C9: variants seen among roughly 807,000 people sequenced by gnomAD.
The protein encoded by C9 is complement component C9.
Under a neutral mutation model 65.4 loss-of-function variants are expected in C9, and 63 were observed. The observed-to-expected ratio is 0.96, with a 90% CI of 0.79 to 1.19. The LOEUF (loss-of-function observed/expected upper bound fraction) is 1.19, where lower values mean the gene tolerates loss of function less well. C9 is among the 50% of genes most tolerant of loss of function. The probability of loss-of-function intolerance (pLI) is 0.00; values close to 1 mark genes in which losing one functional copy is unlikely to be tolerated. For missense variants in C9, 744 were observed against 670.1 expected (o/e 1.11, Z -1.22); for synonymous variants, 229 against 227.9 (o/e 1.00, Z -0.04).
chr5:39,308,361 G>C lies in C9; in HGVS notation c.1112-3C>G. 1 of 1,577,926 alleles carries C rather than the reference G, an allele frequency of 6.3e-7. No individual in the cohort carries two copies. Among genetic ancestry groups the C allele is most frequent in the Non-Finnish European group, 8.7e-7 (1 of 1,147,234 alleles). On this transcript the variant is annotated splice_region_variant and splice_polypyrimidine_tract_variant and intron_variant, in intron 7 of 10. Transcript: ENST00000263408. ...CTTTATGTCTTTTAGTTCAACACCT[G>C]TTTAATGAATTTATTTGAAAATTAT...
chr5:39,324,284 G>T (rs534395749), intron 5 of C9, among the ~76,000 whole-genome samples: 1 of 152,188 alleles, frequency 6.6e-6, no homozygotes, highest in East Asian at 1.9e-4. Context: ...ATAATTTTAT[G>T]TCATTTTCCA....
intron 9 of C9, among the ~76,000 whole-genome samples, chr5:39,305,775 A>C (rs1172137846): frequency 6.6e-6 from 1 of 152,100 alleles, no homozygotes; most frequent in East Asian, 1.9e-4. Context: ...AACTATTATA[A>C]TCAAGATAGA....
At chr5:39,360,096 G>T (rs1561358246) in intron 1 of C9, among the ~76,000 whole-genome samples, 1 of 152,070 alleles carries the variant, frequency 6.6e-6, no homozygotes, top group Non-Finnish European at 1.5e-5. Flanking sequence ...TTCTATTAAT[G>T]AATGTTTGGA....
At chr5:39,336,506 A>G (rs1037778646) in intron 4 of C9, among the ~76,000 whole-genome samples, 2 of 152,162 alleles carry the variant, frequency 1.3e-5, no homozygotes, top group Non-Finnish European at 2.9e-5. Context: ...AGTGCCATAT[A>G]TAGGTATCTT....
Position 39,311,385 on chromosome 5 carries a change from G to A in C9, c.871-8C>T. 1 of 1,610,328 alleles carries A rather than the reference G, an allele frequency of 6.2e-7. No individual in the cohort carries two copies. The highest frequency in any genetic ancestry group is 8.5e-7 in the Non-Finnish European group (1 of 1,178,426). On this transcript the variant is annotated splice_region_variant and splice_polypyrimidine_tract_variant and intron_variant, in intron 6 of 10. Transcript: ENST00000263408. Reference sequence around the variant, plus strand: ...ATGCAGAAACATTTTTTCCTGTGTTGTAGAGCAGATGAAGAAGAGAAACAT... The same window carrying A: ...ATGCAGAAACATTTTTTCCTGTGTTATAGAGCAGATGAAGAAGAGAAACAT...
intron 9 of C9, among the ~76,000 whole-genome samples, chr5:39,301,158 A>G (rs941523510): frequency 1.3e-5 from 2 of 152,186 alleles, no homozygotes; most frequent in Non-Finnish European, 2.9e-5. Context: ...AACCCATAAT[A>G]TGATGCACTG....
intron 9 of C9, among the ~76,000 whole-genome samples, chr5:39,303,384 G>A (rs1481785294): frequency 6.6e-6 from 1 of 151,966 alleles, no homozygotes; most frequent in African/African-American, 2.4e-5. Flanking sequence ...CTCAAGAAGT[G>A]GTTTTGGGTT....
intron 1 of C9, among the ~76,000 whole-genome samples, chr5:39,354,733 G>T (rs1754385640): frequency 6.6e-6 from 1 of 152,142 alleles, no homozygotes; most frequent in Non-Finnish European, 1.5e-5. Context: ...GAGGATCATG[G>T]TTTTTGTTTT....
chr5:39,339,089 T>G (rs1264014298), intron 4 of C9, among the ~76,000 whole-genome samples: 1 of 152,204 alleles, frequency 6.6e-6, no homozygotes, highest in Admixed American at 6.5e-5. Flanking sequence ...ACTCACAATC[T>G]TTCCCTGAGG....
At chr5:39,359,102 G>GTGTGTGTGTGTGTATATA (rs1407613505) in intron 1 of C9, among the ~76,000 whole-genome samples, 5 of 103,666 alleles carry the variant, frequency 4.8e-5, no homozygotes, top group South Asian at 3.1e-4. Flanking sequence ...GTGTGTGTGT[G>GTGTGTGTGTGTGTATATA]TATATATATA....
rs149846754 is a variant in C9, at chr5:39,332,197, G to A, written c.477-383C>T. 1.4e-3 allele frequency among the ~76,000 whole-genome samples: 216 copies of A among 152,282 alleles called. 1 individual carries two copies. In the South Asian group the frequency reaches 0.029, roughly 20 times the overall value. Reference sequence around the variant, plus strand: ...CAACTATTTAAATTATTTGAGAACAGAGCATCTCAGGGGGCCAATATAACA... The same window carrying A: ...CAACTATTTAAATTATTTGAGAACAAAGCATCTCAGGGGGCCAATATAACA... On this transcript the variant is annotated intron_variant, in intron 4 of 10. Coordinates refer to ENST00000263408, the MANE Select transcript of C9 (RefSeq NM_001737.5).
chr5:39,349,723 T>G (rs835207), intron 1 of C9, among the ~76,000 whole-genome samples: 8,372 of 152,270 alleles, frequency 0.055, 366 homozygotes, highest in African/African-American at 0.12. Context: ...TCTTACTGAC[T>G]GCTTCATGGC....
At chr5:39,340,219 C>T (rs936746510) in intron 4 of C9, among the ~76,000 whole-genome samples, 1 of 152,118 alleles carries the variant, frequency 6.6e-6, no homozygotes, top group African/African-American at 2.4e-5. Flanking sequence ...CCTACTATGA[C>T]CCAGGCACAG....
In C9 at chr5:39,288,852, T is replaced by C; in HGVS notation, c.1516A>G (p.Ser506Gly). 1 of 1,610,908 alleles carries C rather than the reference T, an allele frequency of 6.2e-7. No individual in the cohort carries two copies. The highest frequency in any genetic ancestry group is 1.1e-5 in the South Asian group (1 of 91,014). ...RAIEDYINEF[S>G]VRKCHTCQNG... ...TGGCATGTGTGGCATTTTCTTACACTAAATTCATTGATATAGTCTTCAATG... is the reference window on the plus strand; with the variant it reads ...TGGCATGTGTGGCATTTTCTTACACCAAATTCATTGATATAGTCTTCAATG... Residue 506 changes from serine (S) to glycine (G), a missense_variant, in exon 10 of 11, where the codon AGT (serine) becomes GGT (glycine). Transcript: ENST00000263408.
intron 9 of C9, among the ~76,000 whole-genome samples, chr5:39,294,028 A>G (rs538033648): frequency 6.6e-6 from 1 of 152,030 alleles, no homozygotes; most frequent in East Asian, 1.9e-4. Context: ...GAAACAGAAC[A>G]TACCAAAACT....
rs755016613 is a variant in C9, at chr5:39,312,983, T to C, written c.871-1606A>G. ...CACAAGAATTCTCAAATATGCCTTATTCAAAGCATATTTGGATTTCTTTTC... is the reference window on the plus strand; with the variant it reads ...CACAAGAATTCTCAAATATGCCTTACTCAAAGCATATTTGGATTTCTTTTC... On this transcript the variant is annotated intron_variant, in intron 6 of 10. Coordinates refer to ENST00000263408, the MANE Select transcript of C9 (RefSeq NM_001737.5). 2.6e-5 allele frequency among the ~76,000 whole-genome samples: 4 copies of C among 152,128 alleles called. No individual in the cohort carries two copies. The East Asian group carries it at 7.7e-4, about 29-fold the overall frequency.
Position 39,311,185 on chromosome 5 carries a change from G to A in C9, c.1063C>T (p.Leu355Phe), listed in dbSNP as rs779384557. Residue 355 changes from leucine to phenylalanine, a missense_variant, in exon 7 of 11, where the codon CTC becomes TTC. Transcript: ENST00000263408. ...TCCAAAACATATATTAGTTCATAGAGTCCTCCTAGAGACCCAGAGCTACTG... is the reference window on the plus strand; with the variant it reads ...TCCAAAACATATATTAGTTCATAGAATCCTCCTAGAGACCCAGAGCTACTG... ...HYSSSGSLGG[L>F]YELIYVLDKA... is the part of the protein sequence containing the mutation. 1.2e-6 allele frequency: 2 copies of A among 1,612,976 alleles called. No individual in the cohort carries two copies. The highest frequency in any genetic ancestry group is 1.7e-6 in the Non-Finnish European group (2 of 1,179,014).
chr5:39,324,260 A>G lies in C9; in HGVS notation c.615+7416T>C, dbSNP rs889884589. Among the ~76,000 whole-genome samples the G allele has an allele frequency of 7.9e-5, 12 of 152,226 alleles. 1 individual carries two copies. The highest frequency in any genetic ancestry group is 2.9e-4 in the African/African-American group (12 of 41,456). On this transcript the variant is annotated intron_variant, in intron 5 of 10. Coordinates refer to ENST00000263408, the MANE Select transcript of C9 (RefSeq NM_001737.5). ...CTGCCCAATATGATCTGCAGACTCA[A>G]TGCAATCCCTATCATAATTTTATGT...
At chr5:39,309,764 G>T (rs1022783086) in intron 7 of C9, among the ~76,000 whole-genome samples, 1 of 152,140 alleles carries the variant, frequency 6.6e-6, no homozygotes, top group African/African-American at 2.4e-5. Context: ...AAAGTCACTA[G>T]AATTGACCTG....
Sources: allele counts gnomAD v4.1 joint callset (sites outside exome capture counted in the v4.1 genomes callset), GRCh38; gene constraint gnomAD v4.1.1; transcripts MANE v1.5; gene names NCBI Gene and HGNC (gene_info 2026-07-23, HGNC 2026-07-21).